Variants in SH3GL2 observed in about 807,000 individuals in gnomAD.
SH3GL2 encodes the protein endophilin-A1.
Under a neutral mutation model 46.0 loss-of-function variants are expected in SH3GL2, and 24 were observed. The observed-to-expected ratio is 0.52, with a 90% confidence interval of 0.38 to 0.73. The LOEUF (loss-of-function observed/expected upper bound fraction) is 0.73, where lower values mean the gene tolerates loss of function less well. Ranked by LOEUF, SH3GL2 falls within the 30% of genes least tolerant of loss-of-function variation. SH3GL2 has a pLI of 0.00. For synonymous variants in SH3GL2, 196 were observed against 147.1 expected (o/e 1.33, Z -2.40); for missense variants, 413 against 424.2 (o/e 0.97, Z 0.23).
chr9:17,618,126 G>A (rs552040316), intron 1 of SH3GL2, among the ~76,000 whole-genome samples: 1 of 152,098 alleles, frequency 6.6e-6, no homozygotes, highest in Admixed American at 6.5e-5. Flanking sequence ...CTCAACCGGG[G>A]ATGATTTTGC....
At position 17,789,531 on chromosome 9, in the gene SH3GL2, T is replaced by G; in HGVS notation, c.605T>G (p.Phe202Cys). The G allele has an allele frequency of 6.2e-7, 1 of 1,613,482 alleles. No individual in the cohort carries two copies. The highest frequency in any genetic ancestry group is 8.5e-7 in the Non-Finnish European group (1 of 1,179,562). The change falls in exon 6 of 9, where the codon TTC becomes TGC. Residue 202 changes from phenylalanine (F) to cysteine (C), a missense_variant. Around this residue, in one of 3 missense-constraint regions of SH3GL2, gnomAD observed 248 missense variants for 215.0 expected, o/e 1.15. Coordinates refer to ENST00000380607, the MANE Select transcript of SH3GL2 (RefSeq NM_003026.5). Reference protein sequence around the residue: ...ESKEIAESSMFNLLEMDIEQV... With the variant: ...ESKEIAESSMCNLLEMDIEQV... Reference sequence around the variant, plus strand: ...AAGGAAATTGCTGAGTCAAGCATGTTCAATCTCTTGGAGATGGATGTAAGT... The same window carrying G: ...AAGGAAATTGCTGAGTCAAGCATGTGCAATCTCTTGGAGATGGATGTAAGT...
intron 1 of SH3GL2, among the ~76,000 whole-genome samples, chr9:17,743,569 A>AACAC (rs58408701): frequency 0.034 from 4,820 of 143,652 alleles, 245 homozygotes; most frequent in African/African-American, 0.12. Context: ...CTCTTTTGTG[A>AACAC]ACACACACAC....
chr9:17,666,522 C>T (rs1381092698), intron 1 of SH3GL2, among the ~76,000 whole-genome samples: 3 of 150,374 alleles, frequency 2.0e-5, no homozygotes, highest in African/African-American at 7.4e-5. Context: ...TTTCTTTTCC[C>T]ACTCTTTCAT....
At chr9:17,597,364 A>G (rs910045633) in intron 1 of SH3GL2, among the ~76,000 whole-genome samples, 1 of 152,118 alleles carries the variant, frequency 6.6e-6, no homozygotes, top group African/African-American at 2.4e-5. Flanking sequence ...AAAATACAAA[A>G]AAATTAGCTG....
chr9:17,710,984 AC>A (rs1415688585), intron 1 of SH3GL2, among the ~76,000 whole-genome samples: 4 of 152,012 alleles, frequency 2.6e-5, no homozygotes, highest in African/African-American at 9.7e-5. Flanking sequence ...ATGATTGTGC[AC>A]ATTCATTCTC....
intron 1 of SH3GL2, among the ~76,000 whole-genome samples, chr9:17,731,277 C>A (rs913527597): frequency 3.9e-5 from 6 of 151,942 alleles, no homozygotes; most frequent in Non-Finnish European, 8.8e-5. Context: ...AAGCCCTAAC[C>A]CCTAATGTGA....
intron 1 of SH3GL2, among the ~76,000 whole-genome samples, chr9:17,659,018 C>G: frequency 6.6e-6 from 1 of 152,118 alleles, no homozygotes; most frequent in East Asian, 1.9e-4. Flanking sequence ...GCTGAAGGCT[C>G]AAGTAACTTT....
Position 17,750,407 on chromosome 9 carries a change from A to C in SH3GL2, c.114+3273A>C, listed in dbSNP as rs533304228. 4.6e-4 allele frequency among the ~76,000 whole-genome samples: 70 copies of C among 152,208 alleles called. No homozygotes were observed. The South Asian group carries it at 0.014, about 30-fold the overall frequency. On this transcript the variant is annotated intron_variant, in intron 2 of 8. Transcript: ENST00000380607. ...TGGGTTTTCCTAGGGGTGTTTCTCT[A>C]ATCAGCCGCCCCAGCCACTCTGTGG...
At chr9:17,739,624 A>ATT (rs113415143) in intron 1 of SH3GL2, among the ~76,000 whole-genome samples, 1 of 151,910 alleles carries the variant, frequency 6.6e-6, no homozygotes, top group Admixed American at 6.6e-5. Context: ...AATGCCAGTT[A>ATT]ATTTTATTCA....
At chr9:17,615,727 A>G (rs1189161754) in intron 1 of SH3GL2, among the ~76,000 whole-genome samples, 1 of 151,068 alleles carries the variant, frequency 6.6e-6, no homozygotes, top group Non-Finnish European at 1.5e-5. Context: ...ACTTAGGACG[A>G]AAGTTAAAAA....
At chr9:17,768,867 A>G (rs1224800061) in intron 3 of SH3GL2, among the ~76,000 whole-genome samples, 1 of 152,180 alleles carries the variant, frequency 6.6e-6, no homozygotes, top group Non-Finnish European at 1.5e-5. Flanking sequence ...AAATCTCTTG[A>G]GAAGTTCCTC....
In SH3GL2 at chr9:17,760,724, A is replaced by T. The variant is rs983603464; in HGVS notation, c.115-713A>T. 6.6e-5 allele frequency among the ~76,000 whole-genome samples: 10 copies of T among 152,324 alleles called. 1 individual carries two copies. The South Asian group carries it at 2.1e-3, about 32-fold the overall frequency. ...TAGTCATTTACCATGTAGGGCGAAT[A>T]GGAGGCCCACAGATGCTGATAAGAA... On this transcript the variant is annotated intron_variant, in intron 2 of 8. Transcript: ENST00000380607.
chr9:17,586,726 C>G (rs77442826), intron 1 of SH3GL2, among the ~76,000 whole-genome samples: 2 of 152,146 alleles, frequency 1.3e-5, no homozygotes, highest in Non-Finnish European at 2.9e-5. Flanking sequence ...AATTCACTCA[C>G]TATCACGAGA....
chr9:17,771,206 T>C (rs1823470180), intron 3 of SH3GL2, among the ~76,000 whole-genome samples: 1 of 152,150 alleles, frequency 6.6e-6, no homozygotes, highest in African/African-American at 2.4e-5. Flanking sequence ...AGGAGGTAGA[T>C]TGGGAACACC....
At chr9:17,584,377 C>T (rs181913002) in intron 1 of SH3GL2, among the ~76,000 whole-genome samples, 1 of 152,256 alleles carries the variant, frequency 6.6e-6, no homozygotes, top group Admixed American at 6.5e-5. Context: ...GTGGCAGGTG[C>T]CTGTAATCCC....
intron 1 of SH3GL2, among the ~76,000 whole-genome samples, chr9:17,740,134 G>C (rs1336791667): frequency 2.0e-5 from 3 of 151,982 alleles, no homozygotes; most frequent in African/African-American, 7.2e-5. Flanking sequence ...ACAATTTTTT[G>C]ATAGTGAGAA....
At chr9:17,753,955 T>C (rs184343066) in intron 2 of SH3GL2, among the ~76,000 whole-genome samples, 1 of 152,328 alleles carries the variant, frequency 6.6e-6, no homozygotes, top group East Asian at 1.9e-4. Context: ...CATTGTTTGA[T>C]TTTTGTCAGA....
chr9:17,694,511 C>G (rs1588247433), intron 1 of SH3GL2, among the ~76,000 whole-genome samples: 1 of 152,246 alleles, frequency 6.6e-6, no homozygotes, highest in East Asian at 1.9e-4. Context: ...GTACCTGAAG[C>G]TGCTAACAGG....
intron 1 of SH3GL2, among the ~76,000 whole-genome samples, chr9:17,592,602 A>AG (rs1343923290): frequency 5.3e-5 from 8 of 152,226 alleles, no homozygotes; most frequent in Non-Finnish European, 8.8e-5. Flanking sequence ...ATATTCTAAC[A>AG]ATACCCTGAG....
Sources: allele counts gnomAD v4.1 joint callset (sites outside exome capture counted in the v4.1 genomes callset), GRCh38; gene constraint gnomAD v4.1.1; regional missense constraint gnomAD v4.1.1; transcripts MANE v1.5; gene names NCBI Gene and HGNC (gene_info 2026-07-23, HGNC 2026-07-21).